MACROD2: variants seen among roughly 807,000 people sequenced by gnomAD.
The protein encoded by MACROD2 is mono-ADP ribosylhydrolase 2, also known as ADP-ribose glycohydrolase MACROD2.
A neutral mutation model predicts 70.4 loss-of-function variants in MACROD2; 36 were observed. The observed-to-expected ratio is 0.51, with a 90% CI of 0.39 to 0.68. The LOEUF (loss-of-function observed/expected upper bound fraction) is 0.68, where lower values mean the gene tolerates loss of function less well. Among genes scored for constraint, MACROD2 ranks in the 30% least tolerant of loss-of-function variants. MACROD2 has a pLI of 0.00. For missense variants in MACROD2, 496 were observed against 538.4 expected (o/e 0.92, Z 0.78); for synonymous variants, 172 against 178.8 (o/e 0.96, Z 0.30).
At chr20:15,031,182 G>A (rs2075271517) in intron 5 of MACROD2, among the ~76,000 whole-genome samples, 1 of 152,216 alleles carries the variant, frequency 6.6e-6, no homozygotes, top group Non-Finnish European at 1.5e-5. Context: ...CGCTGTGGAC[G>A]TCAGGGAACG....
chr20:14,463,829 A>T (rs925201841), intron 3 of MACROD2, among the ~76,000 whole-genome samples: 1 of 151,548 alleles, frequency 6.6e-6, no homozygotes, highest in Non-Finnish European at 1.5e-5. Flanking sequence ...TATATGCTGG[A>T]TTACGTTTAT....
chr20:15,147,785 GAA>G (rs2076241409), intron 5 of MACROD2, among the ~76,000 whole-genome samples: 1 of 152,066 alleles, frequency 6.6e-6, no homozygotes, highest in Non-Finnish European at 1.5e-5. Context: ...GGCTGAGTCT[GAA>G]AAGAGAGTCA....
chr20:15,651,480 G>A (rs960592846), intron 8 of MACROD2, among the ~76,000 whole-genome samples: 68 of 152,238 alleles, frequency 4.5e-4, no homozygotes, highest in African/African-American at 1.3e-3. Flanking sequence ...CACCAGGGTC[G>A]TTGGCAAAAG....
chr20:14,119,457 A>G (rs1222947491), intron 3 of MACROD2, among the ~76,000 whole-genome samples: 1 of 152,184 alleles, frequency 6.6e-6, no homozygotes, highest in Non-Finnish European at 1.5e-5. Context: ...GGCATGAGCC[A>G]TCGCACCTGG....
At chr20:14,165,353 T>G (rs2148720307) in intron 3 of MACROD2, among the ~76,000 whole-genome samples, 1 of 152,262 alleles carries the variant, frequency 6.6e-6, no homozygotes, top group African/African-American at 2.4e-5. Context: ...TTTCCCCACA[T>G]TAGGGAGCCT....
At chr20:14,929,267 C>T (rs241205) in intron 5 of MACROD2, 74,639 of 151,970 alleles carry the variant, frequency 0.49, 19,075 homozygotes, top group South Asian at 0.71. Flanking sequence ...AGCCTGGGCT[C>T]CCTATACTTC....
chr20:15,695,411 CTTTT>C (rs375119900), intron 8 of MACROD2, among the ~76,000 whole-genome samples: 2 of 115,280 alleles, frequency 1.7e-5, no homozygotes, highest in African/African-American at 6.0e-5. Flanking sequence ...TCTTCTTCTT[CTTTT>C]TTTTTTTTTG....
intron 2 of MACROD2, among the ~76,000 whole-genome samples, chr20:14,033,178 G>T (rs949407220): frequency 6.7e-6 from 1 of 148,844 alleles, no homozygotes; most frequent in Admixed American, 6.7e-5. Context: ...TTTCCCCCCA[G>T]ATATCTATCT....
intron 4 of MACROD2, among the ~76,000 whole-genome samples, chr20:14,501,671 A>C (rs2084916405): frequency 1.3e-5 from 2 of 152,136 alleles, no homozygotes. Context: ...AGGTTTAGTC[A>C]TTCTTTCAGA....
intron 6 of MACROD2, among the ~76,000 whole-genome samples, chr20:15,364,960 G>T (rs1600298730): frequency 6.6e-6 from 1 of 152,174 alleles, no homozygotes; most frequent in Non-Finnish European, 1.5e-5. Flanking sequence ...TGAGAGAAAA[G>T]TTCAAAATCC....
chr20:14,304,614 T>C (rs1331901107), intron 3 of MACROD2, among the ~76,000 whole-genome samples: 1 of 152,208 alleles, frequency 6.6e-6, no homozygotes, highest in African/African-American at 2.4e-5. Context: ...TCCAACAGTT[T>C]ATTATTTCAA....
intron 7 of MACROD2, among the ~76,000 whole-genome samples, chr20:15,465,755 A>G (rs1209255526): frequency 6.6e-6 from 1 of 152,212 alleles, no homozygotes; most frequent in Non-Finnish European, 1.5e-5. Flanking sequence ...AAGACCTTGC[A>G]TGAAGATCTA....
intron 5 of MACROD2, among the ~76,000 whole-genome samples, chr20:15,110,455 TG>T (rs1439167470): frequency 1.3e-5 from 2 of 152,078 alleles, no homozygotes; most frequent in Non-Finnish European, 2.9e-5. Context: ...GGCCAGAGGC[TG>T]GGTGAAGGGA....
chr20:15,299,924 G>C (rs1412560942), intron 6 of MACROD2, among the ~76,000 whole-genome samples: 2 of 152,188 alleles, frequency 1.3e-5, no homozygotes, highest in African/African-American at 4.8e-5. Context: ...ACTGAGAAGA[G>C]AGGAAGCTTT....
chr20:14,075,176 A>G (rs2053901289), intron 2 of MACROD2, among the ~76,000 whole-genome samples: 1 of 152,198 alleles, frequency 6.6e-6, no homozygotes. Flanking sequence ...TCAAAAAAAA[A>G]TCGTATGTTG....
intron 3 of MACROD2, among the ~76,000 whole-genome samples, chr20:14,230,846 G>C (rs936814921): frequency 3.3e-5 from 5 of 151,098 alleles, no homozygotes; most frequent in South Asian, 2.1e-4. Flanking sequence ...TTACAAGAAG[G>C]CTTGAAAGTT....
At chr20:15,510,056 A>C (rs1406820356) in intron 8 of MACROD2, among the ~76,000 whole-genome samples, 1 of 152,234 alleles carries the variant, frequency 6.6e-6, no homozygotes, top group East Asian at 1.9e-4. Context: ...TGATATTAAC[A>C]ACCTTGACCC....
chr20:15,422,141 G>A (rs1953372184), intron 6 of MACROD2, among the ~76,000 whole-genome samples: 1 of 152,184 alleles, frequency 6.6e-6, no homozygotes, highest in South Asian at 2.1e-4. Flanking sequence ...GCGAGGATTG[G>A]AGGTTATGGT....
At chr20:14,416,157 C>T (rs1184902328) in intron 3 of MACROD2, among the ~76,000 whole-genome samples, 1 of 152,082 alleles carries the variant, frequency 6.6e-6, no homozygotes, top group African/African-American at 2.4e-5. Flanking sequence ...TGGGGCTTCA[C>T]CATGTTGGCC....
Sources: gnomAD v4.1 joint callset for allele counts (sites outside exome capture counted in the v4.1 genomes callset) on GRCh38, gnomAD v4.1.1 for gene constraint, MANE v1.5 for transcripts, NCBI Gene and HGNC (gene_info 2026-07-23, HGNC 2026-07-21) for gene names.